Variants in PCDHGA10 observed in about 807,000 individuals in gnomAD.
PCDHGA10 encodes the protein protocadherin gamma subfamily A, 10, also known as protocadherin gamma-A10.
Under a neutral mutation model 59.5 loss-of-function variants are expected in PCDHGA10, and 42 were observed. The observed-to-expected ratio is 0.71, with a 90% CI of 0.55 to 0.91. The LOEUF is 0.91. Ranked by LOEUF, PCDHGA10 falls within the 40% of genes least tolerant of loss-of-function variation. The probability of loss-of-function intolerance (pLI) is 0.00; values close to 1 mark genes in which losing one functional copy is unlikely to be tolerated. For synonymous variants in PCDHGA10, 511 were observed against 517.2 expected, an observed-to-expected ratio of 0.99 and a Z score of 0.16; for missense variants, 1,111 against 1,198.2, an observed-to-expected ratio of 0.93 and a Z score of 1.07.
At chr5:141,510,879 G>T in intron 3 of PCDHGA10, 68 bp from the exon 4 acceptor site, 1 of 1,611,520 alleles carries the variant, frequency 6.2e-7, no homozygotes, top group Non-Finnish European at 8.5e-7. Flanking sequence ...TAACTGCTGG[G>T]GATATAAGAC....
intron 1 of PCDHGA10, among the ~76,000 whole-genome samples, chr5:141,461,824 T>C (rs958063237): frequency 1.3e-5 from 2 of 151,968 alleles, no homozygotes; most frequent in African/African-American, 4.8e-5. Flanking sequence ...CAGCTAATTT[T>C]TTTTTCTTTT....
intron 1 of PCDHGA10, among the ~76,000 whole-genome samples, chr5:141,442,967 G>T (rs553833025): frequency 1.3e-5 from 2 of 152,220 alleles, no homozygotes; most frequent in African/African-American, 2.4e-5. Context: ...AGACATTCTG[G>T]CTGATAAAGT....
chr5:141,463,438 CTTTTTTTTTT>C (rs71576115), intron 1 of PCDHGA10, among the ~76,000 whole-genome samples: 6 of 103,254 alleles, frequency 5.8e-5, no homozygotes, highest in Non-Finnish European at 9.4e-5. Flanking sequence ...TTTCCTTCTC[CTTTTTTTTTT>C]TTTTTTTTTT....
rs909174523 is a variant in PCDHGA10 at position 141,474,102 on chromosome 5, A to AAAC, written c.2437-20695_2437-20693dup. 2.6e-5 allele frequency among the ~76,000 whole-genome samples: 4 copies of AAAC among 152,286 alleles called. No homozygotes were observed. In the East Asian group the frequency reaches 7.7e-4, roughly 29 times the overall value. ...AAAACCAAAAAACAAACAACAACAA[A>AAAC]AACAACAACAACGAAAATCTCAGAA... is the stretch of plus-strand genomic sequence containing the variant. On this transcript the variant is annotated intron_variant, in intron 1 of 3. Coordinates refer to ENST00000398610, the MANE Select transcript of PCDHGA10 (RefSeq NM_018913.3).
chr5:141,437,638 A>G (rs192433359), intron 1 of PCDHGA10, among the ~76,000 whole-genome samples: 1 of 152,250 alleles, frequency 6.6e-6, no homozygotes, highest in Admixed American at 6.5e-5. Context: ...TGTCAGGTTC[A>G]GAAAAGCAAA....
At chr5:141,488,217 A>G (rs537136341) in intron 1 of PCDHGA10, among the ~76,000 whole-genome samples, 2 of 152,274 alleles carry the variant, frequency 1.3e-5, no homozygotes, top group East Asian at 1.9e-4. Flanking sequence ...TCAAGTCCCT[A>G]CTGGGGATTT....
At position 141,487,943 on chromosome 5, in the gene PCDHGA10, A is replaced by C. The variant is rs2099669443; in HGVS notation, c.2437-6864A>C. ...TACAGTGCACAGGGTACAGTGCACCAGGCAGTCACTTGGACAAAGGTGGCT... is the reference window on the plus strand; with the variant it reads ...TACAGTGCACAGGGTACAGTGCACCCGGCAGTCACTTGGACAAAGGTGGCT... On this transcript the variant is annotated intron_variant, in intron 1 of 3. Coordinates refer to ENST00000398610, the MANE Select transcript of PCDHGA10 (RefSeq NM_018913.3). The surrounding 1 kb of genome is among the most constrained non-coding windows in gnomAD (Gnocchi z 5.0). Among the ~76,000 whole-genome samples, 1 of 152,220 alleles carries C rather than the reference A, an allele frequency of 6.6e-6. No homozygotes were observed.
chr5:141,498,656 G>A (rs2154592341), intron 2 of PCDHGA10, among the ~76,000 whole-genome samples: 1 of 152,336 alleles, frequency 6.6e-6, no homozygotes, highest in Non-Finnish European at 1.5e-5. Context: ...ACCTGGCCAG[G>A]TGTGGTGGCT....
chr5:141,417,633 G>C, intron 1 of PCDHGA10: 1 of 712,146 alleles, frequency 1.4e-6, no homozygotes, highest in South Asian at 2.3e-5. Flanking sequence ...CGCTGACGCC[G>C]GGGATCCCTC....
chr5:141,467,055 CTTT>C (rs1193465269), intron 1 of PCDHGA10, among the ~76,000 whole-genome samples: 5 of 134,460 alleles, frequency 3.7e-5, no homozygotes, highest in Admixed American at 7.5e-5. Context: ...TCAATGTTTT[CTTT>C]TTTTTTTTTT....
intron 2 of PCDHGA10, among the ~76,000 whole-genome samples, chr5:141,500,180 TTA>T (rs2099797073): frequency 7.1e-6 from 1 of 140,608 alleles, no homozygotes; most frequent in African/African-American, 2.8e-5. Flanking sequence ...AGCTTCATTT[TTA>T]TTTTTATTTA....
chr5:141,451,874 C>T (rs1264178631), intron 1 of PCDHGA10, among the ~76,000 whole-genome samples: 1 of 151,956 alleles, frequency 6.6e-6, no homozygotes, highest in Non-Finnish European at 1.5e-5. Context: ...GAATGAAACC[C>T]TGTCAAGAAA....
rs758439978 is a variant in PCDHGA10 at position 141,415,219 on chromosome 5, T to C, written c.2044T>C (p.Phe682Leu). ...CCAAGTCCTGGCGGACCTCGGCAGC[T>C]TCGAGTCTCCAGCTAACTCTGAAAC... Reference protein sequence around the residue: ...IPQVLADLGSFESPANSETSD... With the variant: ...IPQVLADLGSLESPANSETSD... The change falls in exon 1 of 4, where the codon TTC becomes CTC. Residue 682 changes from phenylalanine (F) to leucine (L), a missense_variant. By Grantham distance (22) the Phe-to-Leu change is conservative. Coordinates refer to ENST00000398610, the MANE Select transcript of PCDHGA10 (RefSeq NM_018913.3). 42 of 1,613,954 alleles carry C rather than the reference T, an allele frequency of 2.6e-5. No individual in the cohort carries two copies. Among genetic ancestry groups the C allele is most frequent in the South Asian group, 9.9e-5 (9 of 91,088 alleles).
Position 141,511,643 on chromosome 5 carries a change from C to T in PCDHGA10, c.*470C>T, listed in dbSNP as rs937995879. ...TGAAAAGTTGGAAGGGCATCATGACCTCTTGGCCTCTCCTTTGATTCTCAA... is the reference window on the plus strand; with the variant it reads ...TGAAAAGTTGGAAGGGCATCATGACTTCTTGGCCTCTCCTTTGATTCTCAA... On this transcript the variant is annotated 3_prime_UTR_variant, in exon 4 of 4. Coordinates refer to ENST00000398610, the MANE Select transcript of PCDHGA10 (RefSeq NM_018913.3). 4 of 218,904 alleles carry T rather than the reference C, an allele frequency of 1.8e-5. No homozygotes were observed. The highest frequency in any genetic ancestry group is 5.2e-5 in the Admixed American group (1 of 19,306). 13.6% of individuals were successfully genotyped at this position (218,904 alleles called of 1,614,324 possible). A position where few individuals can be genotyped will look rare whatever the true frequency, so the allele number is the denominator to read the frequency against.
intron 1 of PCDHGA10, chr5:141,423,426 G>A: frequency 6.2e-7 from 1 of 1,614,028 alleles, no homozygotes; most frequent in Non-Finnish European, 8.5e-7. Context: ...AAGGCGGGTT[G>A]GCAGGTATGC....
In PCDHGA10 at chr5:141,477,157, CA is replaced by C. The variant is rs1240879989; in HGVS notation, c.2437-17648del. 2.5e-6 allele frequency: 4 copies of C among 1,614,064 alleles called. No homozygotes were observed. Among genetic ancestry groups the C allele is most frequent in the Non-Finnish European group, 3.4e-6 (4 of 1,180,046 alleles). ...TGGTGGAGGTTGTGGATGTGAATGACAACGCCCCGGAGATCACAGTCACCTC... is the reference window on the plus strand; with the variant it reads ...TGGTGGAGGTTGTGGATGTGAATGACACGCCCCGGAGATCACAGTCACCTC... On this transcript the variant is annotated intron_variant, in intron 1 of 3. Coordinates refer to ENST00000398610, the MANE Select transcript of PCDHGA10 (RefSeq NM_018913.3). This position sits in a 1 kb window ranked among gnomAD's most constrained non-coding sequence, Gnocchi z 4.9.
chr5:141,485,961 A>G lies in PCDHGA10; in HGVS notation c.2437-8846A>G. Reference sequence around the variant, plus strand: ...GCACCAGCGGGCATGGTGCTCATCCAGCTCAATGCCTCAGACCCGGACCTG... The same window carrying G: ...GCACCAGCGGGCATGGTGCTCATCCGGCTCAATGCCTCAGACCCGGACCTG... On this transcript the variant is annotated intron_variant, in intron 1 of 3. Coordinates refer to ENST00000398610, the MANE Select transcript of PCDHGA10 (RefSeq NM_018913.3). This position sits in a 1 kb window ranked among gnomAD's most constrained non-coding sequence, Gnocchi z 5.7. 1 of 1,614,204 alleles carries G rather than the reference A, an allele frequency of 6.2e-7. No individual in the cohort carries two copies. Among genetic ancestry groups the G allele is most frequent in the Non-Finnish European group, 8.5e-7 (1 of 1,180,028 alleles).
intron 1 of PCDHGA10, chr5:141,441,578 C>T (rs889509502): frequency 2.9e-5 from 6 of 207,738 alleles, no homozygotes; most frequent in Non-Finnish European, 5.9e-5. Flanking sequence ...CCAACCTAGA[C>T]TTGGGACCCA....
At chr5:141,434,337 C>T (rs939910421) in intron 1 of PCDHGA10, among the ~76,000 whole-genome samples, 13 of 152,230 alleles carry the variant, frequency 8.5e-5, no homozygotes, top group African/African-American at 2.4e-4. Context: ...CTCTTTGTGT[C>T]GGGAACAGGC....
Sources: allele counts gnomAD v4.1 joint callset (sites outside exome capture counted in the v4.1 genomes callset), GRCh38; gene constraint gnomAD v4.1.1; non-coding constraint Gnocchi (gnomAD v3.1); transcripts MANE v1.5; gene names NCBI Gene and HGNC (gene_info 2026-07-23, HGNC 2026-07-21).